CSMD1: variants seen among roughly 807,000 people sequenced by gnomAD.
The protein encoded by CSMD1 is CUB and sushi domain-containing protein 1.
A neutral mutation model predicts 417.5 loss-of-function variants in CSMD1; 213 were observed. That is an observed-to-expected ratio of 0.51 (90% CI 0.46 to 0.57). The LOEUF (loss-of-function observed/expected upper bound fraction) is 0.57, where lower values mean the gene tolerates loss of function less well. CSMD1 is among the 20% of genes least tolerant of loss of function. The pLI, the probability that CSMD1 is intolerant of heterozygous loss-of-function variation, is 0.00. For missense variants in CSMD1, 6,923 were observed against 4,529.7 expected, an observed-to-expected ratio of 1.53 and a Z score of -15.17; for synonymous variants, 2,862 against 1,736.8, an observed-to-expected ratio of 1.65 and a Z score of -16.11.
chr8:4,251,160 G>A (rs1803042524), intron 3 of CSMD1, among the ~76,000 whole-genome samples: 1 of 151,914 alleles, frequency 6.6e-6, no homozygotes, highest in Non-Finnish European at 1.5e-5. Context: ...GGTATACAAG[G>A]CCAATGAAGA....
intron 2 of CSMD1, among the ~76,000 whole-genome samples, chr8:4,429,832 G>T (rs113997703): frequency 6.6e-6 from 1 of 152,002 alleles, no homozygotes. Context: ...TCATTGGCTC[G>T]GGAAGAAATC....
At chr8:3,750,933 C>T (rs1238308423) in intron 6 of CSMD1, among the ~76,000 whole-genome samples, 1 of 152,134 alleles carries the variant, frequency 6.6e-6, no homozygotes, top group Non-Finnish European at 1.5e-5. Context: ...GCGTACTGTG[C>T]ACCATGCGCC....
chr8:4,150,057 G>C (rs1796487137), intron 3 of CSMD1, among the ~76,000 whole-genome samples: 1 of 152,192 alleles, frequency 6.6e-6, no homozygotes, highest in Admixed American at 6.5e-5. Context: ...GTTGCTGTGG[G>C]TGAAGAAGTT....
At chr8:4,475,982 A>C (rs1306275965) in intron 2 of CSMD1, among the ~76,000 whole-genome samples, 1 of 152,052 alleles carries the variant, frequency 6.6e-6, no homozygotes, top group Non-Finnish European at 1.5e-5. Context: ...GTTTATTTGC[A>C]CAGTCATATC....
At chr8:3,266,774 T>TA (rs1198668487) in intron 26 of CSMD1, among the ~76,000 whole-genome samples, 18 of 105,854 alleles carry the variant, frequency 1.7e-4, no homozygotes, top group East Asian at 1.0e-3. Context: ...GACACTGTCT[T>TA]AAAAAAAATC....
intron 21 of CSMD1, among the ~76,000 whole-genome samples, chr8:3,358,603 C>T (rs9774386): frequency 0.27 from 41,771 of 151,968 alleles, 6,012 homozygotes; most frequent in African/African-American, 0.36. Flanking sequence ...TGTTACTCTT[C>T]GGAATTATCT....
chr8:3,454,948 C>A (rs987771296), intron 12 of CSMD1, among the ~76,000 whole-genome samples: 2 of 152,204 alleles, frequency 1.3e-5, no homozygotes, highest in African/African-American at 2.4e-5. Context: ...TTCAGGTACA[C>A]CAATCAGATG....
intron 6 of CSMD1, among the ~76,000 whole-genome samples, chr8:3,728,638 C>A (rs1802634894): frequency 6.6e-6 from 1 of 152,164 alleles, no homozygotes; most frequent in Non-Finnish European, 1.5e-5. Flanking sequence ...CATCCTGGAG[C>A]AGTCGTGTGG....
At chr8:3,155,358 G>A (rs1819450859) in intron 39 of CSMD1, among the ~76,000 whole-genome samples, 1 of 48,092 alleles carries the variant, frequency 2.1e-5, no homozygotes, top group African/African-American at 6.3e-5. Flanking sequence ...TCAAGGCTGG[G>A]ATTTTTTTTT....
At chr8:4,640,648 G>A (rs1803130554) in intron 1 of CSMD1, among the ~76,000 whole-genome samples, 2 of 152,006 alleles carry the variant, frequency 1.3e-5, no homozygotes, top group South Asian at 2.1e-4. Context: ...TCAAACAAGT[G>A]GATTATTTTA....
chr8:3,158,201 T>C (rs988927173), intron 38 of CSMD1, among the ~76,000 whole-genome samples: 4 of 152,206 alleles, frequency 2.6e-5, no homozygotes, highest in Non-Finnish European at 4.4e-5. Context: ...AATCTTGCAA[T>C]GTCCTTTTGA....
chr8:3,649,117 C>T (rs1797720627), intron 7 of CSMD1, among the ~76,000 whole-genome samples: 1 of 152,230 alleles, frequency 6.6e-6, no homozygotes, highest in African/African-American at 2.4e-5. Context: ...GATTCAGTAG[C>T]AATACTGTAC....
chr8:3,924,531 G>A (rs909634134), intron 5 of CSMD1, among the ~76,000 whole-genome samples: 7 of 152,098 alleles, frequency 4.6e-5, no homozygotes, highest in African/African-American at 1.7e-4. Context: ...AAGCTCGGTG[G>A]ACTTGCTTCA....
chr8:3,776,942 G>C (rs1296609645), intron 5 of CSMD1, among the ~76,000 whole-genome samples: 3 of 151,744 alleles, frequency 2.0e-5, no homozygotes, highest in South Asian at 2.1e-4. Context: ...CTCAACTCTT[G>C]ATCTCAAGTG....
intron 11 of CSMD1, among the ~76,000 whole-genome samples, chr8:3,477,256 G>A (rs1817486481): frequency 6.6e-6 from 1 of 152,150 alleles, no homozygotes; most frequent in South Asian, 2.1e-4. Flanking sequence ...TAAAAAAGGG[G>A]GAGATGTGCT....
chr8:3,316,734 G>A lies in CSMD1; in HGVS notation c.3632-8231C>T, dbSNP rs886428289. Reference sequence around the variant, plus strand: ...TTGAAGGGAAGACAGGAAAGGTCACGGGAAAGACTGGAAAGGACTCGGCTG... The same window carrying A: ...TTGAAGGGAAGACAGGAAAGGTCACAGGAAAGACTGGAAAGGACTCGGCTG... On this transcript the variant is annotated intron_variant, in intron 23 of 69. Transcript: ENST00000635120. 5.3e-5 allele frequency among the ~76,000 whole-genome samples: 8 copies of A among 152,262 alleles called. No homozygotes were observed. The South Asian group carries it at 1.2e-3, about 24-fold the overall frequency.
chr8:3,156,662 G>T (rs1488053582), intron 39 of CSMD1, among the ~76,000 whole-genome samples: 2 of 151,608 alleles, frequency 1.3e-5, no homozygotes, highest in African/African-American at 4.8e-5. Flanking sequence ...TGCAATATTT[G>T]GAAAAAATAA....
rs539821116 is a variant in CSMD1 at position 3,654,848 on chromosome 8, T to C, written c.1010-38051A>G. ...GATCCATAGAACACATCACCTGCTC[T>C]ACCCACACCCGGACCTGCCAGCTCT... On this transcript the variant is annotated intron_variant, in intron 7 of 69. Transcript: ENST00000635120. Among the ~76,000 whole-genome samples, 5 of 152,244 alleles carry C rather than the reference T, an allele frequency of 3.3e-5. No individual in the cohort carries two copies. In the East Asian group the frequency reaches 9.7e-4, roughly 30 times the overall value.
chr8:3,218,758 G>C (rs1014690379), intron 29 of CSMD1, among the ~76,000 whole-genome samples: 1 of 151,780 alleles, frequency 6.6e-6, no homozygotes, highest in African/African-American at 2.4e-5. Context: ...TGTAATTCCA[G>C]CTACTCGGGG....
Sources: allele counts gnomAD v4.1 joint callset (sites outside exome capture counted in the v4.1 genomes callset), GRCh38; gene constraint gnomAD v4.1.1; transcripts MANE v1.5; gene names NCBI Gene and HGNC (gene_info 2026-07-23, HGNC 2026-07-21).